The following FGF12 variants were observed in gnomAD, a reference collection of about 807,000 sequenced individuals.
FGF12 encodes fibroblast growth factor 12B.
A neutral mutation model predicts 23.6 loss-of-function variants in FGF12; 14 were observed. That is an observed-to-expected ratio of 0.59 (90% CI 0.39 to 0.93). FGF12 has a LOEUF of 0.93. Ranked by LOEUF, FGF12 falls within the 40% of genes least tolerant of loss-of-function variation. The probability of loss-of-function intolerance (pLI) is 0.00; values close to 1 mark genes in which losing one functional copy is unlikely to be tolerated. For synonymous variants in FGF12, 62 were observed against 77.3 expected (o/e 0.80, Z 1.04); for missense variants, 175 against 217.8 (o/e 0.80, Z 1.24).
rs1721117126 is a variant in FGF12 at position 192,409,593 on chromosome 3, GA to G, written c.14-49056del. On this transcript the variant is annotated intron_variant, in intron 2 of 5. Transcript: ENST00000445105. The surrounding 1 kb of genome is among the most constrained non-coding windows in gnomAD (Gnocchi z 4.8). ...GCGCCGCCCATCCCGGCCGAGGAAG[GA>G]AGTGACCCGCGCGCTGCGAATACCC... Among the ~76,000 whole-genome samples, 1 of 152,086 alleles carries G rather than the reference GA, an allele frequency of 6.6e-6. No homozygotes were observed. Among genetic ancestry groups the G allele is most frequent in the African/African-American group, 2.4e-5 (1 of 41,434 alleles).
At chr3:192,504,293 A>G (rs1391325887) in intron 2 of FGF12, among the ~76,000 whole-genome samples, 2 of 152,156 alleles carry the variant, frequency 1.3e-5, no homozygotes, top group Non-Finnish European at 2.9e-5. Flanking sequence ...CCTACAACAC[A>G]CAATTTACCT....
At chr3:192,579,753 T>C (rs1713056517) in intron 2 of FGF12, among the ~76,000 whole-genome samples, 2 of 152,092 alleles carry the variant, frequency 1.3e-5, no homozygotes, top group Non-Finnish European at 2.9e-5. Context: ...TATTTTTCAA[T>C]AGAGACAGTT....
intron 4 of FGF12, among the ~76,000 whole-genome samples, chr3:192,194,468 A>C (rs1233102450): frequency 1.3e-5 from 2 of 152,216 alleles, no homozygotes; most frequent in Admixed American, 1.3e-4. Context: ...ATAATACCAT[A>C]GAGCTATACA....
chr3:192,485,080 A>C (rs1723596011), intron 2 of FGF12, among the ~76,000 whole-genome samples: 1 of 151,174 alleles, frequency 6.6e-6, no homozygotes, highest in Non-Finnish European at 1.5e-5. Flanking sequence ...AAATTTTAAA[A>C]TTTTAAATTT....
At chr3:192,420,085 G>C (rs1200290255) in intron 2 of FGF12, among the ~76,000 whole-genome samples, 2 of 152,112 alleles carry the variant, frequency 1.3e-5, no homozygotes, top group African/African-American at 4.8e-5. Context: ...TATGGAAGAT[G>C]GTCATTGACT....
chr3:192,380,659 C>T (rs946729254), intron 2 of FGF12, among the ~76,000 whole-genome samples: 1 of 151,972 alleles, frequency 6.6e-6, no homozygotes, highest in African/African-American at 2.4e-5. Context: ...AAAACCTGCC[C>T]CTGATTGTCC....
intron 4 of FGF12, among the ~76,000 whole-genome samples, chr3:192,326,002 G>A (rs1281405138): frequency 2.0e-5 from 3 of 152,134 alleles, no homozygotes; most frequent in East Asian, 3.9e-4. Context: ...AAAGCCCATT[G>A]AGTCCAGACA....
chr3:192,397,804 TA>T (rs1487301741), intron 2 of FGF12, among the ~76,000 whole-genome samples: 1 of 152,208 alleles, frequency 6.6e-6, no homozygotes, highest in Non-Finnish European at 1.5e-5. Flanking sequence ...TATAGATCCC[TA>T]CTTTGGGCAC....
chr3:192,499,151 T>C (rs1724045172), intron 2 of FGF12, among the ~76,000 whole-genome samples: 1 of 152,170 alleles, frequency 6.6e-6, no homozygotes, highest in Non-Finnish European at 1.5e-5. Flanking sequence ...ATGCTTTTTA[T>C]ATTTTACGCT....
chr3:192,185,574 C>A (rs1461274753), intron 4 of FGF12, among the ~76,000 whole-genome samples: 2 of 151,418 alleles, frequency 1.3e-5, no homozygotes, highest in Non-Finnish European at 2.9e-5. Flanking sequence ...AAAGTTATAG[C>A]TAATAGGCCA....
At chr3:192,296,865 C>G (rs1715070893) in intron 4 of FGF12, among the ~76,000 whole-genome samples, 1 of 152,204 alleles carries the variant, frequency 6.6e-6, no homozygotes, top group Non-Finnish European at 1.5e-5. Context: ...TAACTCTGTT[C>G]TATCATTTGC....
At chr3:192,689,498 T>C (rs1330448171) in intron 2 of FGF12, among the ~76,000 whole-genome samples, 1 of 151,838 alleles carries the variant, frequency 6.6e-6, no homozygotes, top group African/African-American at 2.4e-5. Context: ...CAAACAGAAA[T>C]TTTGGAGCTA....
intron 4 of FGF12, among the ~76,000 whole-genome samples, chr3:192,249,226 A>G (rs1221573314): frequency 3.9e-5 from 6 of 152,204 alleles, no homozygotes; most frequent in Non-Finnish European, 4.4e-5. Context: ...TCATTAAATG[A>G]CAGCTGAATA....
intron 2 of FGF12, among the ~76,000 whole-genome samples, chr3:192,484,713 G>A (rs1723580827): frequency 6.6e-6 from 1 of 152,100 alleles, no homozygotes; most frequent in Non-Finnish European, 1.5e-5. Flanking sequence ...TGAATCGACA[G>A]GCCCACATTG....
At chr3:192,675,783 T>C (rs1293742383) in intron 2 of FGF12, among the ~76,000 whole-genome samples, 2 of 152,178 alleles carry the variant, frequency 1.3e-5, no homozygotes. Context: ...TGTTTTCAAG[T>C]CAACAATTCC....
intron 4 of FGF12, among the ~76,000 whole-genome samples, chr3:192,173,894 A>G (rs1350072649): frequency 6.6e-6 from 1 of 152,254 alleles, no homozygotes; most frequent in Non-Finnish European, 1.5e-5. Flanking sequence ...CTTAGTGATG[A>G]TAGTACAATT....
Position 192,167,773 on chromosome 3 carries a change from T to TATATATATA in FGF12, c.427+2684_427+2685insTATATATAT, listed in dbSNP as rs1560175832. Among the ~76,000 whole-genome samples the TATATATATA allele has an allele frequency of 3.2e-4, 4 of 12,558 alleles. 1 individual carries two copies. The highest frequency in any genetic ancestry group is 6.5e-4 in the Non-Finnish European group (3 of 4,582). 8.2% of individuals were successfully genotyped at this position (12,558 alleles called of 152,430 possible). A position where few individuals can be genotyped will look rare whatever the true frequency, so the allele number is the denominator to read the frequency against. On this transcript the variant is annotated intron_variant, in intron 5 of 5. Transcript: ENST00000445105. ...TATATATATATATATATATATAAAA[T>TATATATATA]TTTTTTTTTTTTTTTTTTTTGAGAA...
intron 2 of FGF12, among the ~76,000 whole-genome samples, chr3:192,662,873 A>C (rs1251699708): frequency 6.6e-6 from 1 of 152,218 alleles, no homozygotes; most frequent in Non-Finnish European, 1.5e-5. Flanking sequence ...TATGTTTAGT[A>C]CTGTTTATCT....
chr3:192,674,186 T>C (rs1717237795), intron 2 of FGF12, among the ~76,000 whole-genome samples: 1 of 138,636 alleles, frequency 7.2e-6, no homozygotes, highest in Non-Finnish European at 1.7e-5. Context: ...CAAATTATTA[T>C]GTACCATAGA....
Sources: gnomAD v4.1 joint callset for allele counts (sites outside exome capture counted in the v4.1 genomes callset) on GRCh38, gnomAD v4.1.1 for gene constraint, Gnocchi (gnomAD v3.1) non-coding constraint, MANE v1.5 for transcripts, NCBI Gene and HGNC (gene_info 2026-07-23, HGNC 2026-07-21) for gene names.